USP42: variants seen among roughly 807,000 people sequenced by gnomAD.
The protein encoded by USP42 is ubiquitin carboxyl-terminal hydrolase 42.
Under a neutral mutation model 113.0 loss-of-function variants are expected in USP42, and 23 were observed. That is an observed-to-expected ratio of 0.20 (90% CI 0.15 to 0.29). The LOEUF is 0.29. USP42 is among the 10% of genes least tolerant of loss of function. The probability of loss-of-function intolerance (pLI) is 1.00; values close to 1 mark genes in which losing one functional copy is unlikely to be tolerated. For synonymous variants in USP42, 933 were observed against 699.0 expected, an observed-to-expected ratio of 1.33 and a Z score of -5.28; for missense variants, 2,174 against 1,779.8, an observed-to-expected ratio of 1.22 and a Z score of -3.99.
At position 6,154,152 on chromosome 7, in the gene USP42, C is replaced by G. The variant is rs200951790; in HGVS notation, c.2598C>G (p.Pro866=). 6.3e-7 allele frequency: 1 copy of G among 1,594,636 alleles called. No homozygotes were observed. Among genetic ancestry groups the G allele is most frequent in the Non-Finnish European group, 8.5e-7 (1 of 1,171,592 alleles). Residue 866 remains proline, a synonymous_variant, in exon 15 of 18, where the codon CCC becomes CCG. Transcript: ENST00000306177. The stretch of plus-strand genomic sequence containing the variant: ...CTCCGCCTGCGCGGTCGGAGGAGCC[C>G]TGCGAGCAGCCACTCCTTGTTCACC... The part of the protein sequence containing the change: ...SPAPPARSEE[P]CEQPLLVHPS...
Position 6,159,623 on chromosome 7 carries a change from C to A in USP42, c.*36+130C>A. 1 of 935,762 alleles carries A rather than the reference C, an allele frequency of 1.1e-6. No homozygotes were observed. Among genetic ancestry groups the A allele is most frequent in the Non-Finnish European group, 1.6e-6 (1 of 621,578 alleles). The allele number at this position is 935,762 out of a possible 1,614,324, so 58.0% of individuals were successfully genotyped here. A position where few individuals can be genotyped will look rare whatever the true frequency, so the allele number is the denominator to read the frequency against. On this transcript the variant is annotated intron_variant, in intron 17 of 17. Transcript: ENST00000306177. The surrounding 1 kb of genome is among the most constrained non-coding windows in gnomAD (Gnocchi z 4.1). ...GGAGTTGGCAGAGCCATGGAGAGGC[C>A]CCGGCAGGTTCCCAGCCAGCCCAGA...
intron 3 of USP42, among the ~76,000 whole-genome samples, chr7:6,124,645 C>G (rs573804440): frequency 6.6e-6 from 1 of 152,264 alleles, no homozygotes; most frequent in African/African-American, 2.4e-5. Context: ...TATTTTGAGG[C>G]ATTATACCTT....
At chr7:6,101,533 G>T (rs1353447930), upstream of USP42, among the ~76,000 whole-genome samples, 1 of 151,356 alleles carries the variant, frequency 6.6e-6, no homozygotes, top group Non-Finnish European at 1.5e-5. Context: ...GGAGAACAAG[G>T]TTTTGGGGCC....
chr7:6,095,066 G>T, the USP42 span, among the ~76,000 whole-genome samples: 1 of 151,256 alleles, frequency 6.6e-6, no homozygotes, highest in Non-Finnish European at 1.5e-5. Flanking sequence ...GGCATTATAG[G>T]TGTGAGCCAC....
rs188408798 is a variant in USP42 at position 6,136,107 on chromosome 7, C to T, written c.553+156C>T. On this transcript the variant is annotated intron_variant, in intron 4 of 17. Transcript: ENST00000306177. Reference sequence around the variant, plus strand: ...GCAGCTTCCACCTCCCAGGTTCAAACGATTGTCCTGTCTCAGCCTCTCGAG... The same window carrying T: ...GCAGCTTCCACCTCCCAGGTTCAAATGATTGTCCTGTCTCAGCCTCTCGAG... 4.2e-4 allele frequency among the ~76,000 whole-genome samples: 63 copies of T among 149,282 alleles called. 2 individuals are homozygous for T. The East Asian group carries it at 9.8e-3, about 23-fold the overall frequency.
intron 2 of USP42, among the ~76,000 whole-genome samples, chr7:6,112,550 ATG>A (rs1403677373): frequency 6.6e-6 from 1 of 152,320 alleles, no homozygotes; most frequent in East Asian, 1.9e-4. Flanking sequence ...ATCCAGATAA[ATG>A]AGACAGTAAC....
At position 6,135,788 on chromosome 7, in the gene USP42, G is replaced by T. The variant is rs374967794; in HGVS notation, c.443-53G>T. On this transcript the variant is annotated intron_variant, in intron 3 of 17. Transcript: ENST00000306177. ...CCCCTGATTTGTAATTAGCCTTGAT[G>T]TGTGTATATGGTTGTATTTTGCTAA... The T allele has an allele frequency of 5.1e-5, 53 of 1,039,988 alleles. 1 individual carries two copies. In the East Asian group the frequency reaches 6.4e-4, roughly 13 times the overall value. 64.4% of individuals were successfully genotyped at this position (1,039,988 alleles called of 1,614,324 possible).
At chr7:6,146,383 G>A (rs1218728464) in intron 11 of USP42, 135 bp downstream of exon 11, 7 of 645,544 alleles carry the variant, frequency 1.1e-5, no homozygotes, top group Non-Finnish European at 1.8e-5. Context: ...CTCTAGCCTG[G>A]GCATGGTGCC....
At chr7:6,087,581 C>T in the USP42 span, among the ~76,000 whole-genome samples, 2 of 150,748 alleles carry the variant, frequency 1.3e-5, no homozygotes, top group Admixed American at 6.6e-5. Flanking sequence ...AAGCAATCCA[C>T]CCGCTTCGGC....
chr7:6,125,992 A>G (rs1252287903), intron 3 of USP42, among the ~76,000 whole-genome samples: 1 of 152,194 alleles, frequency 6.6e-6, no homozygotes, highest in African/African-American at 2.4e-5. Context: ...CAAGCACAGT[A>G]GTGACATTGA....
At chr7:6,110,483 A>G (rs1779540616) in intron 1 of USP42, among the ~76,000 whole-genome samples, 1 of 152,168 alleles carries the variant, frequency 6.6e-6, no homozygotes, top group South Asian at 2.1e-4. Flanking sequence ...CATAACAGAT[A>G]TTTGTGTTTG....
intron 3 of USP42, among the ~76,000 whole-genome samples, chr7:6,125,179 TCAA>T (rs1562818342): frequency 1.2e-5 from 1 of 86,796 alleles, no homozygotes; most frequent in African/African-American, 5.1e-5. Flanking sequence ...AGACTCTGTC[TCAA>T]CAAAAAAAAA....
Position 6,157,066 on chromosome 7 carries a change from A to G in USP42, c.3943+11A>G. 6.4e-7 allele frequency: 1 copy of G among 1,568,024 alleles called. No homozygotes were observed. On this transcript the variant is annotated intron_variant, in intron 16 of 17. Transcript: ENST00000306177. This position sits in a 1 kb window ranked among gnomAD's most constrained non-coding sequence, Gnocchi z 4.1. ...TTGAGTATGGCCAGGGTAAGAGGAG[A>G]TACTTGGAATTAGGAAGATAGAAAC...
chr7:6,116,516 T>G (rs1779919931), intron 3 of USP42: 1 of 264,346 alleles, frequency 3.8e-6, no homozygotes, highest in South Asian at 3.6e-5. Context: ...CAGATTCATG[T>G]GTGTATGTTC....
At chr7:6,137,159 A>G (rs980803419) in intron 4 of USP42, among the ~76,000 whole-genome samples, 1 of 152,218 alleles carries the variant, frequency 6.6e-6, no homozygotes, top group Non-Finnish European at 1.5e-5. Context: ...TAACTGGGTA[A>G]TTATAGGGAT....
intron 14 of USP42, among the ~76,000 whole-genome samples, chr7:6,151,112 G>A (rs1334541657): frequency 6.6e-6 from 1 of 152,160 alleles, no homozygotes; most frequent in Non-Finnish European, 1.5e-5. Context: ...GTAAAAATAT[G>A]GTATAAGAGG....
intron 14 of USP42, among the ~76,000 whole-genome samples, 178 bp from the exon 15 acceptor site, chr7:6,153,578 A>G (rs1782197333): frequency 6.6e-6 from 1 of 152,228 alleles, no homozygotes; most frequent in East Asian, 1.9e-4. Context: ...GCACACGTAT[A>G]CATATGTAAC....
At chr7:6,099,560 C>T in the USP42 span, among the ~76,000 whole-genome samples, 4 of 150,314 alleles carry the variant, frequency 2.7e-5, no homozygotes, top group East Asian at 2.0e-4. Context: ...GTTGGGCAGG[C>T]GGGTCTCAAA....
At position 6,154,853 on chromosome 7, in the gene USP42, G is replaced by T. The variant is rs1277441784; in HGVS notation, c.3299G>T (p.Arg1100Leu). Residue 1100 changes from arginine (R) to leucine (L), a missense_variant, in exon 15 of 18, where the codon CGT becomes CTT. By Grantham distance (102) the Arg-to-Leu change is moderately radical. Coordinates refer to ENST00000306177, the MANE Select transcript of USP42 (RefSeq NM_032172.3). ...ERPHKDHNRG[R>L]RGCEPARERE... ...CCGCACAAGGACCACAACCGGGGCCGTAGGGGCTGCGAGCCGGCCCGGGAG... is the reference window on the plus strand; with the variant it reads ...CCGCACAAGGACCACAACCGGGGCCTTAGGGGCTGCGAGCCGGCCCGGGAG... 25 of 1,532,408 alleles carry T rather than the reference G, an allele frequency of 1.6e-5. No individual in the cohort carries two copies. Among genetic ancestry groups the T allele is most frequent in the Admixed American group, 2.0e-5 (1 of 48,994 alleles). The allele number at this position is 1,532,408 out of a possible 1,614,324, so 94.9% of individuals were successfully genotyped here. A position where few individuals can be genotyped will look rare whatever the true frequency, so the allele number is the denominator to read the frequency against.
Sources: gnomAD v4.1 joint callset for allele counts (sites outside exome capture counted in the v4.1 genomes callset) on GRCh38, gnomAD v4.1.1 for gene constraint, Gnocchi (gnomAD v3.1) non-coding constraint, MANE v1.5 for transcripts, NCBI Gene and HGNC (gene_info 2026-07-23, HGNC 2026-07-21) for gene names.